Variants in PPP1CC observed in about 807,000 individuals in gnomAD.
PPP1CC encodes serine/threonine-protein phosphatase PP1-gamma catalytic subunit.
In PPP1CC, 16 loss-of-function variants were observed where a neutral mutation model predicts 38.4. The observed-to-expected ratio is 0.42, with a 90% CI of 0.28 to 0.63. The LOEUF is 0.63. PPP1CC is among the 30% of genes least tolerant of loss of function. PPP1CC has a pLI of 0.25. For synonymous variants in PPP1CC, 158 were observed against 136.0 expected (o/e 1.16, Z -1.13); for missense variants, 170 against 391.3 (o/e 0.43, Z 4.77).
chr12:110,737,441 G>A (rs2069956339), intron 1 of PPP1CC, among the ~76,000 whole-genome samples: 1 of 125,086 alleles, frequency 8.0e-6, no homozygotes, highest in Non-Finnish European at 1.6e-5. Flanking sequence ...CCGAGATCCT[G>A]CCACTGCACT....
chr12:110,734,094 C>T (rs760186136), intron 1 of PPP1CC, among the ~76,000 whole-genome samples: 12 of 152,120 alleles, frequency 7.9e-5, no homozygotes, highest in Non-Finnish European at 1.8e-4. Context: ...GCTCTCTCAA[C>T]ATCAGGTCAC....
At chr12:110,735,218 C>A (rs2069929743) in intron 1 of PPP1CC, among the ~76,000 whole-genome samples, 1 of 151,308 alleles carries the variant, frequency 6.6e-6, no homozygotes, top group Non-Finnish European at 1.5e-5. Context: ...CGTGCCTGGC[C>A]CACTTCACTA....
At chr12:110,728,449 T>A (rs1449846644) in intron 3 of PPP1CC, among the ~76,000 whole-genome samples, 2 of 148,044 alleles carry the variant, frequency 1.4e-5, no homozygotes. Context: ...ACACTTGGAA[T>A]AAGTATCCAA....
chr12:110,742,798 G>A lies in PPP1CC; in HGVS notation c.-91C>T. 6 of 1,117,490 alleles carry A rather than the reference G, an allele frequency of 5.4e-6. No homozygotes were observed. The highest frequency in any genetic ancestry group is 7.0e-6 in the Non-Finnish European group (6 of 860,572). The allele number at this position is 1,117,490 out of a possible 1,614,324, so 69.2% of individuals were successfully genotyped here. A position where few individuals can be genotyped will look rare whatever the true frequency, so the allele number is the denominator to read the frequency against. On this transcript the variant is annotated 5_prime_UTR_variant, in exon 1 of 7. Transcript: ENST00000335007. ...CCTTTCCCACGCCACGAGCAGAGGC[G>A]GTGGTGGCGGCGGTGGCAGCAGCCG...
the PPP1CC span, among the ~76,000 whole-genome samples, chr12:110,709,282 TGC>T: frequency 6.6e-6 from 1 of 151,810 alleles, no homozygotes; most frequent in Non-Finnish European, 1.5e-5. Flanking sequence ...CAGGCTGGAG[TGC>T]AGTATCGCGA....
intron 1 of PPP1CC, among the ~76,000 whole-genome samples, chr12:110,741,999 T>C (rs769815078): frequency 4.6e-5 from 7 of 152,138 alleles, no homozygotes; most frequent in South Asian, 2.1e-4. Flanking sequence ...TGGCTTCCTC[T>C]TCAGATGCAC....
rs1275448671 is a variant in PPP1CC at position 110,720,550 on chromosome 12, A to G, written c.*526T>C. ...AGGTTGAAAGTTACTCCTAATGTTG[A>G]TAGCTATAAAAACTAGTTTGTACAT... On this transcript the variant is annotated 3_prime_UTR_variant, in exon 7 of 7. Coordinates refer to ENST00000335007, the MANE Select transcript of PPP1CC (RefSeq NM_002710.4). The G allele has an allele frequency of 4.3e-6, 1 of 234,070 alleles. No individual in the cohort carries two copies. Among genetic ancestry groups the G allele is most frequent in the Non-Finnish European group, 8.4e-6 (1 of 119,348 alleles). 14.5% of individuals were successfully genotyped at this position (234,070 alleles called of 1,614,324 possible). A position where few individuals can be genotyped will look rare whatever the true frequency, so the allele number is the denominator to read the frequency against.
chr12:110,732,209 C>A, intron 1 of PPP1CC: 1 of 446,716 alleles, frequency 2.2e-6, no homozygotes, highest in Non-Finnish European at 4.0e-6. Flanking sequence ...GTAATCCCAG[C>A]ACTTTGGGAG....
Position 110,720,881 on chromosome 12 carries a change from T to C in PPP1CC, c.*195A>G. ...ACAGAGAATTAAAAAACAAAACACT[T>C]TTCTTTTTGGAGTGAAGAGTCTTTC... On this transcript the variant is annotated 3_prime_UTR_variant, in exon 7 of 7. Coordinates refer to ENST00000335007, the MANE Select transcript of PPP1CC (RefSeq NM_002710.4). The C allele has an allele frequency of 2.1e-6, 1 of 483,638 alleles. No individual in the cohort carries two copies. The highest frequency in any genetic ancestry group is 3.7e-6 in the Non-Finnish European group (1 of 270,162). 30.0% of individuals were successfully genotyped at this position (483,638 alleles called of 1,614,324 possible).
chr12:110,716,459 TCTC>T (rs1020259894), downstream of PPP1CC, among the ~76,000 whole-genome samples: 29 of 152,022 alleles, frequency 1.9e-4, no homozygotes, highest in African/African-American at 7.0e-4. Flanking sequence ...TTCAAGCGAT[TCTC>T]CTGCCTCAGC....
intron 1 of PPP1CC, among the ~76,000 whole-genome samples, chr12:110,738,817 T>C (rs1353253316): frequency 1.3e-5 from 2 of 152,130 alleles, no homozygotes; most frequent in Non-Finnish European, 2.9e-5. Context: ...CCTTTTTCAA[T>C]GCTGTGGTTT....
At chr12:110,711,427 G>A in the PPP1CC span, among the ~76,000 whole-genome samples, 1 of 151,918 alleles carries the variant, frequency 6.6e-6, no homozygotes, top group Non-Finnish European at 1.5e-5. Flanking sequence ...ATATTGCTTA[G>A]GGATACAAAC....
At chr12:110,709,966 A>AATAATAATAATAAT in the PPP1CC span, among the ~76,000 whole-genome samples, 195 of 142,714 alleles carry the variant, frequency 1.4e-3, no homozygotes, top group African/African-American at 4.6e-3. Context: ...TAATAATAAT[A>AATAATAATAATAAT]ATAATAATAA....
chr12:110,727,929 C>T (rs187229130), intron 3 of PPP1CC, among the ~76,000 whole-genome samples: 79 of 152,280 alleles, frequency 5.2e-4, no homozygotes, highest in Non-Finnish European at 9.6e-4. Flanking sequence ...CCAACCAACA[C>T]TGATCTTCTA....
In PPP1CC at chr12:110,721,120, C is replaced by G. The variant is rs959463233; in HGVS notation, c.928G>C (p.Val310Leu). 1 of 1,613,810 alleles carries G rather than the reference C, an allele frequency of 6.2e-7. No homozygotes were observed. The highest frequency in any genetic ancestry group is 8.5e-7 in the Non-Finnish European group (1 of 1,179,836). ...EKKKPNATRP[V>L]TPPRGMITKQ... ...GTGATCATACCCCTTGGAGGCGTTA[C>G]AGGTCTCGTGGCATTTGGCTTCTTT... is the stretch of plus-strand genomic sequence containing the variant. Residue 310 changes from valine to leucine, a missense_variant, in exon 7 of 7, where the codon GTA becomes CTA. By Grantham distance (32) the Val-to-Leu change is conservative. Coordinates refer to ENST00000335007, the MANE Select transcript of PPP1CC (RefSeq NM_002710.4).
intron 4 of PPP1CC, 150 bp downstream of exon 4, chr12:110,724,510 G>A: frequency 1.8e-6 from 1 of 552,618 alleles, no homozygotes; most frequent in East Asian, 3.0e-5. Context: ...AATGATCCTG[G>A]CTGTATCAGA....
Position 110,731,828 on chromosome 12 carries a change from A to G in PPP1CC, c.129T>C (p.Arg43=). The G allele has an allele frequency of 6.2e-7, 1 of 1,613,734 alleles. No homozygotes were observed. Among genetic ancestry groups the G allele is most frequent in the Non-Finnish European group, 8.5e-7 (1 of 1,179,656 alleles). Residue 43 remains arginine (R), a synonymous_variant, in exon 2 of 7, where the codon CGT becomes CGC. Coordinates refer to ENST00000335007, the MANE Select transcript of PPP1CC (RefSeq NM_002710.4). Reference sequence around the variant, plus strand: ...GGATAGGCTGACTGAGAAAGATTTCACGAGACTTTAAGCACAGTCCTCTGA... The same window carrying G: ...GGATAGGCTGACTGAGAAAGATTTCGCGAGACTTTAAGCACAGTCCTCTGA... ...NEIRGLCLKS[R]EIFLSQPILL...
intron 1 of PPP1CC, among the ~76,000 whole-genome samples, chr12:110,742,399 A>G (rs976927833): frequency 6.6e-6 from 1 of 152,070 alleles, no homozygotes; most frequent in Non-Finnish European, 1.5e-5. Flanking sequence ...TTCAAATTCC[A>G]CGGCCGGGAG....
At chr12:110,741,783 G>A (rs1430905882) in intron 1 of PPP1CC, among the ~76,000 whole-genome samples, 4 of 152,130 alleles carry the variant, frequency 2.6e-5, no homozygotes, top group African/African-American at 4.8e-5. Flanking sequence ...AGTTTCTTCT[G>A]TAAAATAACA....
Sources: allele counts gnomAD v4.1 joint callset (sites outside exome capture counted in the v4.1 genomes callset), GRCh38; gene constraint gnomAD v4.1.1; transcripts MANE v1.5; gene names NCBI Gene and HGNC (gene_info 2026-07-23, HGNC 2026-07-21).